Variants in SERAC1 observed in about 807,000 individuals in gnomAD.
The protein encoded by SERAC1 is serine active site containing 1, also known as protein SERAC1.
A neutral mutation model predicts 85.7 loss-of-function variants in SERAC1; 36 were observed. That is an observed-to-expected ratio of 0.42 (90% CI 0.32 to 0.55). The LOEUF is 0.55. Ranked by LOEUF, SERAC1 falls within the 20% of genes least tolerant of loss-of-function variation. SERAC1 has a pLI of 0.11. For synonymous variants in SERAC1, 242 were observed against 265.3 expected (o/e 0.91, Z 0.85); for missense variants, 629 against 796.2 (o/e 0.79, Z 2.53).
rs762304105 is a variant in SERAC1 at position 158,144,424 on chromosome 6, T to C, written c.488-4A>G. ...GCAATTATCCTATACTGGTAATCTA[T>C]TGAAAAAGCATTTTCTTTTGTTAAT... is the stretch of plus-strand genomic sequence containing the variant. On this transcript the variant is annotated splice_region_variant and splice_polypyrimidine_tract_variant and intron_variant, in intron 6 of 16. Coordinates refer to ENST00000647468, the MANE Select transcript of SERAC1 (RefSeq NM_032861.4). The C allele has an allele frequency of 8.4e-6, 13 of 1,554,472 alleles. No individual in the cohort carries two copies. The highest frequency in any genetic ancestry group is 8.2e-5 in the African/African-American group (6 of 73,118).
At chr6:158,167,895 C>T (rs1298250448) in intron 1 of SERAC1, among the ~76,000 whole-genome samples, 1 of 152,124 alleles carries the variant, frequency 6.6e-6, no homozygotes. Flanking sequence ...GGCAGGTGCA[C>T]TCCCCAAGGC....
intron 5 of SERAC1, among the ~76,000 whole-genome samples, chr6:158,147,477 T>A (rs976499981): frequency 6.6e-6 from 1 of 151,656 alleles, no homozygotes; most frequent in African/African-American, 2.4e-5. Context: ...TAAGTTAACA[T>A]AGGCTGGGCG....
intron 1 of SERAC1, among the ~76,000 whole-genome samples, chr6:158,162,481 A>G (rs1785509975): frequency 6.6e-6 from 1 of 152,180 alleles, no homozygotes; most frequent in African/African-American, 2.4e-5. Flanking sequence ...AAGATTTGGT[A>G]TGCTCCTTTG....
In SERAC1 at chr6:158,115,075, T is replaced by C. The variant is rs533318950; in HGVS notation, c.1502-104A>G. ...ACAAGAAATACATAAAAAGAGATGC[T>C]TTCTTTTTAAAAAAAATGGTTTAAA... On this transcript the variant is annotated intron_variant, in intron 14 of 16. Coordinates refer to ENST00000647468, the MANE Select transcript of SERAC1 (RefSeq NM_032861.4). 6.2e-5 allele frequency: 78 copies of C among 1,249,864 alleles called. No individual in the cohort carries two copies. In the East Asian group the frequency reaches 1.8e-3, roughly 28 times the overall value. 77.4% of individuals were successfully genotyped at this position (1,249,864 alleles called of 1,614,324 possible).
intron 8 of SERAC1, among the ~76,000 whole-genome samples, chr6:158,137,833 C>G (rs1784828554): frequency 6.6e-6 from 1 of 151,836 alleles, no homozygotes; most frequent in Non-Finnish European, 1.5e-5. Context: ...GAGCTGAGAC[C>G]ATGCCACCGT....
chr6:158,121,421 C>G (rs1784420346), intron 10 of SERAC1, among the ~76,000 whole-genome samples: 1 of 152,160 alleles, frequency 6.6e-6, no homozygotes, highest in Non-Finnish European at 1.5e-5. Flanking sequence ...CACATTTCTG[C>G]TCCCTCCTTA....
In SERAC1 at chr6:158,144,418, A is replaced by T. The variant is rs775222371; in HGVS notation, c.490T>A (p.Tyr164Asn). ...GCTTGAGCAATTATCCTATACTGGT[A>T]ATCTATTGAAAAAGCATTTTCTTTT... The part of the protein sequence containing the change: ...EMSETHHWHD[Y>N]QYRIIAQACD... The change falls in exon 7 of 17, where the codon TAC (tyrosine) becomes AAC (asparagine). Residue 164 changes from tyrosine (Y) to asparagine (N), a missense_variant and splice_region_variant. By Grantham distance (143) the Tyr-to-Asn change is moderately radical. Coordinates refer to ENST00000647468, the MANE Select transcript of SERAC1 (RefSeq NM_032861.4). 6.4e-7 allele frequency: 1 copy of T among 1,562,498 alleles called. No individual in the cohort carries two copies. Among genetic ancestry groups the T allele is most frequent in the Admixed American group, 1.8e-5 (1 of 54,718 alleles).
At position 158,117,492 on chromosome 6, in the gene SERAC1, G is replaced by A. The variant is rs1304145329; in HGVS notation, c.1403+235C>T. 5.2e-6 allele frequency: 8 copies of A among 1,548,244 alleles called. No homozygotes were observed. Among genetic ancestry groups the A allele is most frequent in the Non-Finnish European group, 7.0e-6 (8 of 1,145,392 alleles). Reference sequence around the variant, plus strand: ...ACGATCCTTCACTATTAGAACAGTTGTAAATAAACCATGTTAGGAGCCCAC... The same window carrying A: ...ACGATCCTTCACTATTAGAACAGTTATAAATAAACCATGTTAGGAGCCCAC... On this transcript the variant is annotated intron_variant, in intron 13 of 16. Transcript: ENST00000647468. This position sits in a 1 kb window ranked among gnomAD's most constrained non-coding sequence, Gnocchi z 4.3.
intron 10 of SERAC1, among the ~76,000 whole-genome samples, chr6:158,126,281 T>C (rs1312327561): frequency 6.6e-6 from 1 of 152,120 alleles, no homozygotes; most frequent in African/African-American, 2.4e-5. Context: ...TTCAGAGAAA[T>C]GAACCTAAAA....
At chr6:158,144,519 A>G in intron 6 of SERAC1, 99 bp from the exon 7 acceptor site, 1 of 1,147,970 alleles carries the variant, frequency 8.7e-7, no homozygotes, top group Non-Finnish European at 1.2e-6. Flanking sequence ...TAATTTTTAA[A>G]CTGCTCTGCA....
intron 8 of SERAC1, among the ~76,000 whole-genome samples, chr6:158,135,195 T>C (rs1267396664): frequency 6.6e-6 from 1 of 152,142 alleles, no homozygotes; most frequent in African/African-American, 2.4e-5. Flanking sequence ...CATGCAATGC[T>C]TAATACCAGA....
In SERAC1 at chr6:158,120,682, G is replaced by GTC; in HGVS notation, c.1016-109_1016-108dup. The GTC allele has an allele frequency of 1.6e-6, 2 of 1,231,124 alleles. No homozygotes were observed. The highest frequency in any genetic ancestry group is 2.2e-6 in the Non-Finnish European group (2 of 899,284). 76.3% of individuals were successfully genotyped at this position (1,231,124 alleles called of 1,614,324 possible). A position where few individuals can be genotyped will look rare whatever the true frequency, so the allele number is the denominator to read the frequency against. ...GATGGGAGAAAGGCAAACCTTGCGTGTCTGTCCTTGGCGGAGAAGTCCGAC... is the reference window on the plus strand; with the variant it reads ...GATGGGAGAAAGGCAAACCTTGCGTGTCTCTGTCCTTGGCGGAGAAGTCCGAC... On this transcript the variant is annotated intron_variant, in intron 10 of 16. Coordinates refer to ENST00000647468, the MANE Select transcript of SERAC1 (RefSeq NM_032861.4). This position sits in a 1 kb window ranked among gnomAD's most constrained non-coding sequence, Gnocchi z 4.4.
At chr6:158,156,915 T>G (rs1328763496) in intron 2 of SERAC1, among the ~76,000 whole-genome samples, 8 of 100,368 alleles carry the variant, frequency 8.0e-5, no homozygotes, top group African/African-American at 2.8e-4. Flanking sequence ...AATATATTTA[T>G]ATAAATATTA....
intron 1 of SERAC1, among the ~76,000 whole-genome samples, chr6:158,162,704 T>A (rs1309621083): frequency 6.6e-6 from 1 of 152,204 alleles, no homozygotes; most frequent in Non-Finnish European, 1.5e-5. Flanking sequence ...CACCTTCTGT[T>A]TAGTTGTATT....
chr6:158,154,475 AAT>A (rs552830686), intron 3 of SERAC1, among the ~76,000 whole-genome samples: 9 of 152,200 alleles, frequency 5.9e-5, no homozygotes, highest in Non-Finnish European at 1.2e-4. Context: ...TAAAATGCCA[AAT>A]ATATCTCTTT....
chr6:158,134,738 C>A (rs1305390452), intron 8 of SERAC1, among the ~76,000 whole-genome samples: 1 of 152,104 alleles, frequency 6.6e-6, no homozygotes, highest in Non-Finnish European at 1.5e-5. Context: ...AACTGTTATT[C>A]AGGCAACATT....
chr6:158,116,222 C>T lies in SERAC1; in HGVS notation c.1464G>A (p.Gly488=), dbSNP rs954283957. 5.6e-6 allele frequency: 9 copies of T among 1,614,120 alleles called. No individual in the cohort carries two copies. Among genetic ancestry groups the T allele is most frequent in the South Asian group, 1.1e-5 (1 of 91,080 alleles). ...LLRKLRAAGV[G]DRPVVWISHS... is the part of the protein sequence containing the mutation. Reference sequence around the variant, plus strand: ...GTGATATCCAAACCACTGGCCTATCCCCAACACCAGCAGCTCTGAGCTTCC... The same window carrying T: ...GTGATATCCAAACCACTGGCCTATCTCCAACACCAGCAGCTCTGAGCTTCC... Residue 488 remains glycine, a synonymous_variant, in exon 14 of 17, where the codon GGG becomes GGA. Coordinates refer to ENST00000647468, the MANE Select transcript of SERAC1 (RefSeq NM_032861.4).
At chr6:158,114,482 A>G (rs747838593) in intron 15 of SERAC1, 158 of 1,137,420 alleles carry the variant, frequency 1.4e-4, no homozygotes, top group Non-Finnish European at 1.6e-4. Context: ...CATGGGGGAA[A>G]AAAGCCATTT....
chr6:158,136,405 GGTTAAGAACCCTGTTCCAAAA>G (rs1784793648), intron 8 of SERAC1, among the ~76,000 whole-genome samples: 2 of 152,166 alleles, frequency 1.3e-5, no homozygotes, highest in African/African-American at 4.8e-5. Flanking sequence ...GGTATTCAAA[GGTTAAGAACCCTGTTCCAAAA>G]CCAAGCATTA....
Sources: gnomAD v4.1 joint callset for allele counts (sites outside exome capture counted in the v4.1 genomes callset) on GRCh38, gnomAD v4.1.1 for gene constraint, Gnocchi (gnomAD v3.1) non-coding constraint, MANE v1.5 for transcripts, NCBI Gene and HGNC (gene_info 2026-07-23, HGNC 2026-07-21) for gene names.